Variants in SAR1A observed in about 807,000 individuals in gnomAD.
SAR1A encodes the protein small COPII coat GTPase SAR1A.
A neutral mutation model predicts 22.6 loss-of-function variants in SAR1A; 6 were observed. That is an observed-to-expected ratio of 0.27 (90% CI 0.15 to 0.52). SAR1A has a LOEUF of 0.52. Among genes scored for constraint, SAR1A ranks in the 20% least tolerant of loss-of-function variants. SAR1A has a pLI of 0.96. For missense variants in SAR1A, 145 were observed against 245.1 expected, an observed-to-expected ratio of 0.59 and a Z score of 2.73; for synonymous variants, 70 against 82.2, an observed-to-expected ratio of 0.85 and a Z score of 0.80.
chr10:70,163,644 G>T, intron 1 of SAR1A: 1 of 736,332 alleles, frequency 1.4e-6, no homozygotes, highest in East Asian at 2.5e-5. Flanking sequence ...CGAGCAGAGT[G>T]GTTGTGTGGT....
chr10:70,168,948 C>T (rs1041865176), intron 1 of SAR1A, among the ~76,000 whole-genome samples: 2 of 152,116 alleles, frequency 1.3e-5, no homozygotes, highest in African/African-American at 4.8e-5. Context: ...ACCTCAGCCT[C>T]CTCAGCAGCT....
At chr10:70,157,683 G>T in intron 5 of SAR1A, 81 bp downstream of exon 5, 1 of 932,854 alleles carries the variant, frequency 1.1e-6, no homozygotes, top group South Asian at 1.5e-5. Context: ...TGGCACTACT[G>T]AGCTATATTC....
At chr10:70,170,160 G>C (rs1260148644) in intron 1 of SAR1A, among the ~76,000 whole-genome samples, 1 of 152,054 alleles carries the variant, frequency 6.6e-6, no homozygotes, top group Non-Finnish European at 1.5e-5. Context: ...ACTGTTATCC[G>C]GCCCAGCAGC....
chr10:70,154,004 A>G, intron 5 of SAR1A, 35 bp from the exon 6 acceptor site: 1 of 1,508,820 alleles, frequency 6.6e-7, no homozygotes. Context: ...AAGAAAAAAA[A>G]GAATTAAGTG....
chr10:70,158,605 C>T (rs1201879714), intron 4 of SAR1A, among the ~76,000 whole-genome samples: 1 of 151,998 alleles, frequency 6.6e-6, no homozygotes, highest in Non-Finnish European at 1.5e-5. Context: ...AATAACGAAC[C>T]ATCTCTACAT....
In SAR1A at chr10:70,151,402, G is replaced by A. The variant is rs901150132; in HGVS notation, c.*1074C>T. The A allele has an allele frequency of 6.6e-6, 1 of 152,002 alleles. No individual in the cohort carries two copies. Among genetic ancestry groups the A allele is most frequent in the Non-Finnish European group, 1.5e-5 (1 of 68,026 alleles). 9.4% of individuals were successfully genotyped at this position (152,002 alleles called of 1,614,324 possible). On this transcript the variant is annotated 3_prime_UTR_variant, in exon 7 of 7. Coordinates refer to ENST00000373241, the MANE Select transcript of SAR1A (RefSeq NM_020150.5). ...GCCTGAGAGACCAAATTCTGCAAAT[G>A]GAAATTTTAAAGCCCACTGAATACA... is the stretch of plus-strand genomic sequence containing the variant.
At chr10:70,169,567 C>T (rs145315007) in intron 1 of SAR1A, among the ~76,000 whole-genome samples, 2 of 152,318 alleles carry the variant, frequency 1.3e-5, no homozygotes, top group South Asian at 2.1e-4. Context: ...ACCAATCTGA[C>T]CATTAGCCAA....
chr10:70,162,034 CTT>C (rs2136717217), intron 1 of SAR1A, 103 bp from the exon 2 acceptor site: 1 of 842,416 alleles, frequency 1.2e-6, no homozygotes, highest in South Asian at 1.6e-5. Flanking sequence ...TTTATAGTCT[CTT>C]GTTTTCGGGA....
intron 6 of SAR1A, 54 bp downstream of exon 6, chr10:70,153,784 T>C: frequency 1.4e-6 from 2 of 1,432,158 alleles, no homozygotes; most frequent in Non-Finnish European, 1.9e-6. Context: ...CGAAACATCA[T>C]GTTTTAAAAA....
chr10:70,162,097 G>C (rs1260200624), intron 1 of SAR1A, among the ~76,000 whole-genome samples, 166 bp from the exon 2 acceptor site: 1 of 152,078 alleles, frequency 6.6e-6, no homozygotes, highest in Non-Finnish European at 1.5e-5. Flanking sequence ...CCCAGCATTT[G>C]GGAAAGCCAA....
chr10:70,160,635 T>C (rs1054060914), intron 4 of SAR1A, among the ~76,000 whole-genome samples: 1 of 152,178 alleles, frequency 6.6e-6, no homozygotes, highest in East Asian at 1.9e-4. Flanking sequence ...AGTAAAAATG[T>C]AGTAAAGATT....
Position 70,147,374 on chromosome 10 carries a change from G to A in SAR1A, c.*5102C>T, listed in dbSNP as rs752448867. On this transcript the variant is annotated 3_prime_UTR_variant, in exon 7 of 7. Transcript: ENST00000373241. ...ATAACCACCAGCCAGGATTTATCTA[G>A]GCCAGGGTCCAAATACTTTCTGTAG... The A allele has an allele frequency of 4.6e-5, 7 of 152,098 alleles. No individual in the cohort carries two copies. Among genetic ancestry groups the A allele is most frequent in the Non-Finnish European group, 1.0e-4 (7 of 68,028 alleles). The allele number at this position is 152,098 out of a possible 1,614,324, so 9.4% of individuals were successfully genotyped here. A position where few individuals can be genotyped will look rare whatever the true frequency, so the allele number is the denominator to read the frequency against.
Position 70,157,875 on chromosome 10 carries a change from A to G in SAR1A, c.245-8T>C, listed in dbSNP as rs1839414241. On this transcript the variant is annotated splice_region_variant and splice_polypyrimidine_tract_variant and intron_variant, in intron 4 of 6. Transcript: ENST00000373241. ...TTTTCCAAACGCGACGTGCTAAAAA[A>G]CAAAGTTTGTAGTTGCATGAGTAAA... 1.3e-6 allele frequency: 2 copies of G among 1,599,672 alleles called. No individual in the cohort carries two copies. The highest frequency in any genetic ancestry group is 8.6e-7 in the Non-Finnish European group (1 of 1,168,570).
rs1564567845 is a variant in SAR1A at position 70,150,235 on chromosome 10, A to G, written c.*2241T>C. Reference sequence around the variant, plus strand: ...TTAACTTTTTATTAAAATGCTTAGGATACAGATTGACTTTCTTTCGTAAAT... The same window carrying G: ...TTAACTTTTTATTAAAATGCTTAGGGTACAGATTGACTTTCTTTCGTAAAT... On this transcript the variant is annotated 3_prime_UTR_variant, in exon 7 of 7. Coordinates refer to ENST00000373241, the MANE Select transcript of SAR1A (RefSeq NM_020150.5). The G allele has an allele frequency of 6.6e-6, 1 of 152,188 alleles. No individual in the cohort carries two copies. The highest frequency in any genetic ancestry group is 1.5e-5 in the Non-Finnish European group (1 of 68,034). The allele number at this position is 152,188 out of a possible 1,614,324, so 9.4% of individuals were successfully genotyped here. A position where few individuals can be genotyped will look rare whatever the true frequency, so the allele number is the denominator to read the frequency against.
Position 70,159,192 on chromosome 10 carries a change from C to G in SAR1A, c.245-1325G>C, listed in dbSNP as rs193237760. ...CTAATCCCTCTATCAAAACACACCC[C>G]TTGTCAATATTTTGATATTTTCTTC... On this transcript the variant is annotated intron_variant, in intron 4 of 6. Coordinates refer to ENST00000373241, the MANE Select transcript of SAR1A (RefSeq NM_020150.5). 1.1e-3 allele frequency among the ~76,000 whole-genome samples: 167 copies of G among 152,232 alleles called. 1 individual carries two copies. Among genetic ancestry groups the G allele is most frequent in the East Asian group, 8.5e-3 (44 of 5,188 alleles).
chr10:70,169,849 A>C (rs1298714323), intron 1 of SAR1A, among the ~76,000 whole-genome samples: 1 of 152,230 alleles, frequency 6.6e-6, no homozygotes, highest in African/African-American at 2.4e-5. Context: ...AAATTTTTCC[A>C]TGCAGAGACC....
intron 5 of SAR1A, among the ~76,000 whole-genome samples, chr10:70,155,612 T>TA (rs369418862): frequency 4.9e-4 from 75 of 152,272 alleles, no homozygotes; most frequent in African/African-American, 1.7e-3. Context: ...GAGAGAACTA[T>TA]AAAAAAATCA....
chr10:70,159,911 A>C (rs974145056), intron 4 of SAR1A, among the ~76,000 whole-genome samples: 2 of 152,356 alleles, frequency 1.3e-5, no homozygotes, highest in Middle Eastern at 3.4e-3. Flanking sequence ...TGAGTAGGCA[A>C]AAAGCACTTC....
intron 1 of SAR1A, 59 bp from the exon 2 acceptor site, chr10:70,161,990 G>A (rs1839473445): frequency 1.6e-6 from 2 of 1,255,518 alleles, no homozygotes; most frequent in South Asian, 1.2e-5. Flanking sequence ...CAATTGTGGA[G>A]AGGTTAACTC....
Sources: gnomAD v4.1 joint callset for allele counts (sites outside exome capture counted in the v4.1 genomes callset) on GRCh38, gnomAD v4.1.1 for gene constraint, MANE v1.5 for transcripts, NCBI Gene and HGNC (gene_info 2026-07-23, HGNC 2026-07-21) for gene names.